Variants in TMEM91 observed in about 807,000 individuals in gnomAD.
TMEM91 encodes the protein transmembrane protein 91.
Under a neutral mutation model 13.3 loss-of-function variants are expected in TMEM91, and 6 were observed. That is an observed-to-expected ratio of 0.45 (90% confidence interval 0.25 to 0.89). TMEM91 has a LOEUF of 0.89. Ranked by LOEUF, TMEM91 falls within the 40% of genes least tolerant of loss-of-function variation. The pLI is 0.19. For missense variants in TMEM91, 193 were observed against 228.7 expected (o/e 0.84, Z 1.01); for synonymous variants, 87 against 101.7 (o/e 0.86, Z 0.87).
At chr19:41,372,437 C>T (rs1046855985), upstream of TMEM91, among the ~76,000 whole-genome samples, 2 of 151,940 alleles carry the variant, frequency 1.3e-5, no homozygotes, top group Non-Finnish European at 2.9e-5. Flanking sequence ...CTGCTTCAGC[C>T]TCTGGGATTA....
intron 3 of TMEM91, 137 bp downstream of exon 3, chr19:41,383,058 C>T (rs2038930110): frequency 1.5e-6 from 2 of 1,301,138 alleles, no homozygotes; most frequent in East Asian, 2.3e-5. Context: ...GAGTCTGCCA[C>T]TCTCTGCAAG....
chr19:41,379,498 C>G (rs2123192596), intron 2 of TMEM91, among the ~76,000 whole-genome samples: 1 of 147,538 alleles, frequency 6.8e-6, no homozygotes, highest in East Asian at 2.0e-4. Context: ...TTACTCCAGC[C>G]TGGACAACAG....
chr19:41,377,548 T>C (rs1029571655), intron 1 of TMEM91, among the ~76,000 whole-genome samples: 13 of 142,936 alleles, frequency 9.1e-5, no homozygotes, highest in Non-Finnish European at 1.8e-4. Flanking sequence ...GATGGGTGTG[T>C]GTGTGACTGG....
chr19:41,379,621 G>C (rs979648044), intron 2 of TMEM91, among the ~76,000 whole-genome samples: 4 of 150,134 alleles, frequency 2.7e-5, no homozygotes, highest in African/African-American at 9.8e-5. Flanking sequence ...GAGAGAAAGA[G>C]AGAAAGAAGG....
upstream of TMEM91, among the ~76,000 whole-genome samples, chr19:41,375,290 T>TC (rs2038694122): frequency 1.0e-5 from 1 of 99,652 alleles, no homozygotes; most frequent in South Asian, 3.4e-4. Context: ...TTTTTTTTTT[T>TC]TTTTTTTTGA....
chr19:41,374,523 C>A (rs1447897823), upstream of TMEM91: 2 of 152,118 alleles, frequency 1.3e-5, no homozygotes, highest in Non-Finnish European at 2.9e-5. Context: ...AAAATAGGTT[C>A]AGAGAGGCTC....
intron 1 of TMEM91, 69 bp from the exon 2 acceptor site, chr19:41,378,212 A>G: frequency 8.0e-7 from 1 of 1,246,718 alleles, no homozygotes; most frequent in Non-Finnish European, 1.1e-6. Flanking sequence ...AGTCTCTCTA[A>G]AGCAAGGGGT....
At chr19:41,383,206 A>T (rs1180706858) in intron 3 of TMEM91, 2 of 449,706 alleles carry the variant, frequency 4.4e-6, no homozygotes, top group African/African-American at 4.0e-5. Context: ...GGCGCGCGCT[A>T]CCATGCCTGG....
chr19:41,369,635 T>A (rs1486960568), intron 1 of TMEM91, among the ~76,000 whole-genome samples: 1 of 150,844 alleles, frequency 6.6e-6, no homozygotes, highest in Non-Finnish European at 1.5e-5. Flanking sequence ...TGAAACCCCA[T>A]CCCTCCTAAA....
chr19:41,377,053 G>A (rs1228914097), intron 1 of TMEM91, 199 bp downstream of exon 1: 1 of 152,162 alleles, frequency 6.6e-6, no homozygotes, highest in East Asian at 1.9e-4. Flanking sequence ...GTGTGTACGT[G>A]TATGTGTGTG....
At chr19:41,381,147 T>C (rs1169508874) in intron 2 of TMEM91, among the ~76,000 whole-genome samples, 1 of 149,862 alleles carries the variant, frequency 6.7e-6, no homozygotes, top group East Asian at 2.0e-4. Flanking sequence ...AGGTTTGCCC[T>C]AATCATTTAG....
chr19:41,374,983 C>G (rs1206054800), upstream of TMEM91, among the ~76,000 whole-genome samples: 1 of 151,926 alleles, frequency 6.6e-6, no homozygotes, highest in East Asian at 1.9e-4. Flanking sequence ...AACTCCATCT[C>G]AAACAAACAA....
chr19:41,378,011 G>T (rs1288325353), intron 1 of TMEM91, among the ~76,000 whole-genome samples: 2 of 147,896 alleles, frequency 1.4e-5, no homozygotes, highest in African/African-American at 5.0e-5. Flanking sequence ...GGATCTGCCT[G>T]GGCAACAGAT....
At chr19:41,375,140 C>G (rs138948248), upstream of TMEM91, among the ~76,000 whole-genome samples, 1 of 152,094 alleles carries the variant, frequency 6.6e-6, no homozygotes. Flanking sequence ...ACCCACCTGC[C>G]TCTGCTTCCT....
chr19:41,382,739 G>A, intron 2 of TMEM91, 33 bp from the exon 3 acceptor site: 1 of 1,602,252 alleles, frequency 6.2e-7, no homozygotes, highest in Non-Finnish European at 8.5e-7. Flanking sequence ...AAGGTGGATG[G>A]AGATGCCCAC....
chr19:41,383,724 G>T lies in TMEM91; in HGVS notation c.370G>T (p.Ala124Ser). 1 of 1,610,862 alleles carries T rather than the reference G, an allele frequency of 6.2e-7. No individual in the cohort carries two copies. The highest frequency in any genetic ancestry group is 8.5e-7 in the Non-Finnish European group (1 of 1,178,056). Residue 124 changes from alanine to serine, a missense_variant, in exon 4 of 4, where the codon GCT becomes TCT. Coordinates refer to ENST00000392002, the MANE Select transcript of TMEM91 (RefSeq NM_001098821.2). ...CCCACTGCCTCTACAGACCAACAAG[G>T]CTTGGGCCAAGGGGGACATCCAGGG... ...AFCLAQKTNK[A>S]WAKGDIQGAG...
chr19:41,376,516 G>T (rs1401864867), upstream of TMEM91: 1 of 152,286 alleles, frequency 6.6e-6, no homozygotes, highest in Non-Finnish European at 1.5e-5. Context: ...AGAATCCGGG[G>T]TGCCCCCTCC....
At chr19:41,381,739 T>G (rs2038892782) in intron 2 of TMEM91, among the ~76,000 whole-genome samples, 1 of 152,080 alleles carries the variant, frequency 6.6e-6, no homozygotes, top group Non-Finnish European at 1.5e-5. Flanking sequence ...CTCAAACTCC[T>G]GGCTTCAAAT....
Position 41,384,020 on chromosome 19 carries a change from C to T in TMEM91, c.*147C>T. The T allele has an allele frequency of 1.5e-6, 2 of 1,368,542 alleles. No homozygotes were observed. The highest frequency in any genetic ancestry group is 1.9e-6 in the Non-Finnish European group (2 of 1,038,226). 84.8% of individuals were successfully genotyped at this position (1,368,542 alleles called of 1,614,324 possible). On this transcript the variant is annotated 3_prime_UTR_variant, in exon 4 of 4. Coordinates refer to ENST00000392002, the MANE Select transcript of TMEM91 (RefSeq NM_001098821.2). ...GAGCTGGACTGGAACCCTTCCCCTT[C>T]CTGGCCACCGCTCTTCGGGCGGCAG...
Sources: allele counts gnomAD v4.1 joint callset (sites outside exome capture counted in the v4.1 genomes callset), GRCh38; gene constraint gnomAD v4.1.1; transcripts MANE v1.5; gene names NCBI Gene and HGNC (gene_info 2026-07-23, HGNC 2026-07-21).